Variants in ITPR1 observed in about 807,000 individuals in gnomAD.
ITPR1 encodes the protein inositol 1,4,5-trisphosphate receptor type 1, also known as inositol 1,4,5-trisphosphate-gated calcium channel ITPR1.
ITPR1 carries 96 observed loss-of-function variants against 318.4 expected under a neutral mutation model. That is an observed-to-expected ratio of 0.30 (90% CI 0.26 to 0.36). The LOEUF (loss-of-function observed/expected upper bound fraction) is 0.36. Among genes scored for constraint, ITPR1 ranks in the 10% least tolerant of loss-of-function variants. The pLI, the probability that ITPR1 is intolerant of heterozygous loss-of-function variation, is 1.00. For missense variants in ITPR1, 2,440 were observed against 3,460.2 expected (o/e 0.71, Z 7.40); for synonymous variants, 1,312 against 1,289.9 (o/e 1.02, Z -0.37).
intron 4 of ITPR1, among the ~76,000 whole-genome samples, chr3:4,557,691 G>C (rs76145939): frequency 0.16 from 23,927 of 152,042 alleles, 2,304 homozygotes; most frequent in Non-Finnish European, 0.22. Context: ...ATTGTTTGAG[G>C]TTTCTTTTTC....
In ITPR1 at chr3:4,516,433, A is replaced by G. The variant is rs2082174939; in HGVS notation, c.-16-43A>G. ...TAGTGACTTTTTTCCCCTTCTGAAC[A>G]TTTCTTTTCTTCTAACAATGCTGCA... On this transcript the variant is annotated intron_variant, in intron 2 of 61. Transcript: ENST00000649015. 11 of 1,088,376 alleles carry G rather than the reference A, an allele frequency of 1.0e-5. No individual in the cohort carries two copies. In the South Asian group the frequency reaches 1.6e-4, roughly 16 times the overall value. 67.4% of individuals were successfully genotyped at this position (1,088,376 alleles called of 1,614,324 possible).
intron 54 of ITPR1, among the ~76,000 whole-genome samples, chr3:4,802,154 G>T (rs745590973): frequency 1.3e-5 from 2 of 152,178 alleles, no homozygotes; most frequent in Non-Finnish European, 2.9e-5. Context: ...CATTACTGCA[G>T]GCTTCCTCAC....
chr3:4,789,851 C>A (rs1352024852), intron 52 of ITPR1, among the ~76,000 whole-genome samples: 1 of 152,176 alleles, frequency 6.6e-6, no homozygotes, highest in Non-Finnish European at 1.5e-5. Flanking sequence ...AACTCCTGAC[C>A]TTGTGATCCA....
At chr3:4,679,690 G>A (rs1033045826) in intron 24 of ITPR1, among the ~76,000 whole-genome samples, 1 of 152,306 alleles carries the variant, frequency 6.6e-6, no homozygotes, top group East Asian at 1.9e-4. Flanking sequence ...AGTTGTACAA[G>A]CTGTCTAGGT....
intron 10 of ITPR1, among the ~76,000 whole-genome samples, chr3:4,650,451 G>T (rs1394471057): frequency 2.0e-5 from 3 of 152,070 alleles, no homozygotes; most frequent in Non-Finnish European, 2.9e-5. Context: ...TTGATCCATT[G>T]TCTTTTGGCT....
At chr3:4,742,734 T>G (rs1300914520) in intron 44 of ITPR1, among the ~76,000 whole-genome samples, 2 of 151,974 alleles carry the variant, frequency 1.3e-5, no homozygotes, top group African/African-American at 4.8e-5. Flanking sequence ...GCTGGGACTA[T>G]AGGTGCGGAC....
At chr3:4,544,524 A>C (rs1447897494) in intron 4 of ITPR1, among the ~76,000 whole-genome samples, 1 of 152,224 alleles carries the variant, frequency 6.6e-6, no homozygotes, top group African/African-American at 2.4e-5. Flanking sequence ...ATTGGCTTGC[A>C]TCTGAGAAGT....
intron 4 of ITPR1, among the ~76,000 whole-genome samples, chr3:4,597,381 G>C (rs1304854403): frequency 6.6e-6 from 1 of 152,218 alleles, no homozygotes; most frequent in African/African-American, 2.4e-5. Context: ...AGAACAGCAA[G>C]TAAGGTTTTA....
Position 4,711,516 on chromosome 3 carries a change from G to GT in ITPR1, c.4992-240dup, listed in dbSNP as rs11448301. Reference sequence around the variant, plus strand: ...CTCCTCTCCATATAATCTCTCCATTGTATGTGGCTGACTCCTGCCCAGTGA... The same window carrying GT: ...CTCCTCTCCATATAATCTCTCCATTGTTATGTGGCTGACTCCTGCCCAGTGA... On this transcript the variant is annotated intron_variant, in intron 38 of 61. Transcript: ENST00000649015. The GT allele has an allele frequency of 0.43, 204,397 of 470,224 alleles. 49,654 individuals are homozygous for GT. Among genetic ancestry groups the GT allele is most frequent in the Non-Finnish European group, 0.53 (137,670 of 259,748 alleles). 29.1% of individuals were successfully genotyped at this position (470,224 alleles called of 1,614,324 possible).
At chr3:4,702,260 T>C (rs1168122842) in intron 35 of ITPR1, among the ~76,000 whole-genome samples, 1 of 152,232 alleles carries the variant, frequency 6.6e-6, no homozygotes, top group Non-Finnish European at 1.5e-5. Context: ...TAAATGAATA[T>C]TTATAAAGAG....
chr3:4,759,619 A>G (rs563947209), intron 44 of ITPR1, among the ~76,000 whole-genome samples: 21 of 152,322 alleles, frequency 1.4e-4, no homozygotes, highest in South Asian at 4.1e-4. Context: ...AGGAGTTTCA[A>G]TGGCAAGAGG....
chr3:4,676,621 C>A lies in ITPR1; in HGVS notation c.2787C>A (p.Asn929Lys). ...NNDVEKLKSSNVMRSIHGVGE... is the reference protein window; with the variant it reads ...NNDVEKLKSSKVMRSIHGVGE... ...TCTCCTGGCCTTTCCTAGGCAGTAA[C>A]GTGATGAGATCTATTCATGGCGTGG... Residue 929 changes from asparagine to lysine, a missense_variant, in exon 24 of 62, where the codon AAC becomes AAA. This residue lies in a region of ITPR1 where 478 missense variants were observed against 696.3 expected (regional missense o/e 0.69). Coordinates refer to ENST00000649015, the MANE Select transcript of ITPR1 (RefSeq NM_001378452.1). The A allele has an allele frequency of 6.2e-7, 1 of 1,613,324 alleles. No individual in the cohort carries two copies.
At chr3:4,661,108 G>T in intron 14 of ITPR1, 21 bp downstream of exon 14, 1 of 1,398,376 alleles carries the variant, frequency 7.2e-7, no homozygotes, top group Non-Finnish European at 1.0e-6. Context: ...GGACTTGCCT[G>T]TCTCCTTTTG....
At position 4,521,013 on chromosome 3, in the gene ITPR1, C is replaced by G; in HGVS notation, c.93-11C>G. Reference sequence around the variant, plus strand: ...TACACTTGACAGAGCATTTATCTGTCTTCTTTACAGCCTGGTTGATGATCG... The same window carrying G: ...TACACTTGACAGAGCATTTATCTGTGTTCTTTACAGCCTGGTTGATGATCG... On this transcript the variant is annotated splice_polypyrimidine_tract_variant and intron_variant, in intron 3 of 61. Transcript: ENST00000649015. The G allele has an allele frequency of 6.2e-7, 1 of 1,607,730 alleles. No homozygotes were observed. Among genetic ancestry groups the G allele is most frequent in the South Asian group, 1.1e-5 (1 of 90,900 alleles).
rs577441424 is a variant in ITPR1, at chr3:4,751,844, G to A, written c.5545-14686G>A. 9.2e-5 allele frequency among the ~76,000 whole-genome samples: 14 copies of A among 152,280 alleles called. No homozygotes were observed. In the South Asian group the frequency reaches 1.7e-3, roughly 18 times the overall value. The stretch of plus-strand genomic sequence containing the variant: ...TTCCTGATGCAGGGACAGTGAAGGC[G>A]CCTCATGTACACACTTGGATCCCCT... On this transcript the variant is annotated intron_variant, in intron 44 of 61. Transcript: ENST00000649015.
At chr3:4,562,237 A>G (rs1034765777) in intron 4 of ITPR1, among the ~76,000 whole-genome samples, 3 of 152,232 alleles carry the variant, frequency 2.0e-5, no homozygotes, top group African/African-American at 7.2e-5. Flanking sequence ...GATACAGCTC[A>G]TCAAAATATC....
intron 59 of ITPR1, 47 bp downstream of exon 59, chr3:4,815,265 G>T: frequency 6.3e-7 from 1 of 1,596,856 alleles, no homozygotes; most frequent in Non-Finnish European, 8.6e-7. Flanking sequence ...GGCCCAGCGT[G>T]GCAGAGGCAT....
rs769013707 is a variant in ITPR1 at position 4,639,355 on chromosome 3, T to C, written c.280-29T>C. 1.5e-5 allele frequency: 23 copies of C among 1,514,564 alleles called. No homozygotes were observed. The Admixed American group carries it at 2.0e-4, about 13-fold the overall frequency. 93.8% of individuals were successfully genotyped at this position (1,514,564 alleles called of 1,614,324 possible). On this transcript the variant is annotated intron_variant, in intron 5 of 61. Coordinates refer to ENST00000649015, the MANE Select transcript of ITPR1 (RefSeq NM_001378452.1). ...GGGATAGAACACATGGTTTCCTCTTTGTGATCAATCTTTCTTCTCAATGCA... is the reference window on the plus strand; with the variant it reads ...GGGATAGAACACATGGTTTCCTCTTCGTGATCAATCTTTCTTCTCAATGCA...
intron 40 of ITPR1, among the ~76,000 whole-genome samples, chr3:4,719,940 A>C (rs1048068885): frequency 6.6e-6 from 1 of 152,056 alleles, no homozygotes; most frequent in Non-Finnish European, 1.5e-5. Flanking sequence ...TGGAGGAGAG[A>C]GAGAAACTCC....
Sources: gnomAD v4.1 joint callset for allele counts (sites outside exome capture counted in the v4.1 genomes callset) on GRCh38, gnomAD v4.1.1 for gene constraint, gnomAD v4.1.1 regional missense constraint, MANE v1.5 for transcripts, NCBI Gene and HGNC (gene_info 2026-07-23, HGNC 2026-07-21) for gene names.